FREM3: variants seen among roughly 807,000 people sequenced by gnomAD.
FREM3 encodes FRAS1 related extracellular matrix 3.
Under a neutral mutation model 129.1 loss-of-function variants are expected in FREM3, and 105 were observed. The ratio of observed to expected loss-of-function variants is 0.81; its 90% CI spans 0.69 to 0.96. The LOEUF (loss-of-function observed/expected upper bound fraction) is 0.96. Among genes scored for constraint, FREM3 ranks in the 40% least tolerant of loss-of-function variants. The pLI is 0.00. For missense variants in FREM3, 2,593 were observed against 2,666.3 expected (o/e 0.97, Z 0.61); for synonymous variants, 1,014 against 1,044.9 (o/e 0.97, Z 0.57).
intron 2 of FREM3, among the ~76,000 whole-genome samples, chr4:143,677,588 C>T (rs1053440190): frequency 6.6e-6 from 1 of 152,182 alleles, no homozygotes; most frequent in South Asian, 2.1e-4. Flanking sequence ...AAAGAAACTA[C>T]CGTCAGAGTG....
intron 2 of FREM3, among the ~76,000 whole-genome samples, chr4:143,685,478 T>G (rs72940283): frequency 0.064 from 9,812 of 152,184 alleles, 853 homozygotes; most frequent in African/African-American, 0.18. Context: ...AAGCCACCAC[T>G]ACAGGAACTG....
rs1738217145 is a variant in FREM3 at position 143,585,190 on chromosome 4, T to A, written c.6178+654A>T. On this transcript the variant is annotated intron_variant, in intron 7 of 7. Coordinates refer to ENST00000329798, the MANE Select transcript of FREM3 (RefSeq NM_001168235.2). The surrounding 1 kb of genome is among the most constrained non-coding windows in gnomAD (Gnocchi z 4.2). ...ATCAAAAAGTTAGAAAGATATAAAA[T>A]TAACAACCTAACACCACACCAAAAG... Among the ~76,000 whole-genome samples, 2 of 152,172 alleles carry A rather than the reference T, an allele frequency of 1.3e-5. No homozygotes were observed. Among genetic ancestry groups the A allele is most frequent in the Non-Finnish European group, 2.9e-5 (2 of 68,028 alleles).
In FREM3 at chr4:143,611,284, T is replaced by C. The variant is rs752053063; in HGVS notation, c.6023A>G (p.Tyr2008Cys). ...AAAGCAACAAATGGACTTACCATCA[T>C]AACGATCAGCCAGAATAGTCACCTT... ...TTKVTILADRYDEPVLHFGDA... is the reference protein window; with the variant it reads ...TTKVTILADRCDEPVLHFGDA... Residue 2008 changes from tyrosine (Y) to cysteine (C), a missense_variant, in exon 6 of 8, where the codon TAT becomes TGT. Around this residue, in one of 2 missense-constraint regions of FREM3, gnomAD observed 317 missense variants for 399.0 expected, o/e 0.79. Transcript: ENST00000329798. The C allele has an allele frequency of 7.6e-5, 117 of 1,535,798 alleles. No individual in the cohort carries two copies. The highest frequency in any genetic ancestry group is 1.0e-4 in the Non-Finnish European group (117 of 1,145,978).
intron 2 of FREM3, among the ~76,000 whole-genome samples, chr4:143,676,060 A>C (rs528244569): frequency 1.2e-3 from 185 of 152,334 alleles, no homozygotes; most frequent in Admixed American, 2.6e-3. Context: ...CATTATCCTG[A>C]TACCAAAGTC....
rs1578872688 is a variant in FREM3 at position 143,693,031 on chromosome 4, C to T, written c.5275+82G>A. 4 of 621,532 alleles carry T rather than the reference C, an allele frequency of 6.4e-6. No individual in the cohort carries two copies. In the East Asian group the frequency reaches 1.2e-4, roughly 19 times the overall value. 38.5% of individuals were successfully genotyped at this position (621,532 alleles called of 1,614,324 possible). A position where few individuals can be genotyped will look rare whatever the true frequency, so the allele number is the denominator to read the frequency against. On this transcript the variant is annotated intron_variant, in intron 2 of 7. Transcript: ENST00000329798. ...TGCTTACATGATGCCTATACTTGCC[C>T]AGAAATGATTTAATTTTTTTTCCAA...
rs529033133 is a variant in FREM3, at chr4:143,676,159, T to A, written c.5275+16954A>T. 6.8e-3 allele frequency among the ~76,000 whole-genome samples: 1,037 copies of A among 152,178 alleles called. 16 individuals carry two copies. Among genetic ancestry groups the A allele is most frequent in the African/African-American group, 0.024 (984 of 41,522 alleles). The stretch of plus-strand genomic sequence containing the variant: ...AATCCTCAATAAAATACTGGCAAAC[T>A]GAATCCAGCAGCACATCAAAAAGCT... On this transcript the variant is annotated intron_variant, in intron 2 of 7. Coordinates refer to ENST00000329798, the MANE Select transcript of FREM3 (RefSeq NM_001168235.2).
At chr4:143,690,637 A>T (rs943327837) in intron 2 of FREM3, among the ~76,000 whole-genome samples, 1 of 152,248 alleles carries the variant, frequency 6.6e-6, no homozygotes, top group Non-Finnish European at 1.5e-5. Context: ...AATAGATCAA[A>T]TGGAAATTTT....
At chr4:143,675,763 C>T (rs1338863949) in intron 2 of FREM3, among the ~76,000 whole-genome samples, 6 of 152,194 alleles carry the variant, frequency 3.9e-5, no homozygotes, top group Non-Finnish European at 1.5e-5. Context: ...CTATAAACAC[C>T]TCTATGCAAA....
At chr4:143,598,150 G>T (rs1560839561) in intron 6 of FREM3, among the ~76,000 whole-genome samples, 1 of 152,190 alleles carries the variant, frequency 6.6e-6, no homozygotes. Flanking sequence ...TATAAATTTG[G>T]GGGAGACACA....
At chr4:143,622,346 G>A (rs546268330) in intron 4 of FREM3, among the ~76,000 whole-genome samples, 2 of 150,928 alleles carry the variant, frequency 1.3e-5, no homozygotes, top group East Asian at 3.9e-4. Context: ...TGCCTGCCTC[G>A]GCCTCCTAAA....
intron 2 of FREM3, among the ~76,000 whole-genome samples, chr4:143,676,498 C>G (rs962700164): frequency 1.4e-4 from 21 of 151,786 alleles, no homozygotes; most frequent in Admixed American, 1.3e-3. Flanking sequence ...GGGATGCCCT[C>G]TCTCACCACT....
At chr4:143,636,532 G>A (rs965669886) in intron 2 of FREM3, among the ~76,000 whole-genome samples, 35 of 151,952 alleles carry the variant, frequency 2.3e-4, no homozygotes, top group African/African-American at 8.4e-4. Context: ...ACATCCAACT[G>A]CAGAATTTTT....
rs377599525 is a variant in FREM3, at chr4:143,627,723, G to T, written c.5313C>A (p.Asn1771Lys). Reference protein sequence around the residue: ...NKLTNQPFHLNWAWICLEKEY... With the variant: ...NKLTNQPFHLKWAWICLEKEY... ...CTTTCTCCAAACAAATCCAAGCCCA[G>T]TTTAGATGGAAAGGCTGATTTGTTA... Residue 1771 changes from asparagine (N) to lysine (K), a missense_variant, in exon 3 of 8, where the codon AAC (asparagine) becomes AAA (lysine). Around this residue, in one of 2 missense-constraint regions of FREM3, gnomAD observed 2,276 missense variants for 2,267.2 expected, o/e 1.00. Coordinates refer to ENST00000329798, the MANE Select transcript of FREM3 (RefSeq NM_001168235.2). The T allele has an allele frequency of 6.5e-7, 1 of 1,535,630 alleles. No individual in the cohort carries two copies. Among genetic ancestry groups the T allele is most frequent in the South Asian group, 1.2e-5 (1 of 83,950 alleles).
At chr4:143,650,953 A>G (rs1181486770) in intron 2 of FREM3, among the ~76,000 whole-genome samples, 2 of 152,340 alleles carry the variant, frequency 1.3e-5, no homozygotes, top group South Asian at 2.1e-4. Flanking sequence ...AATTTTTTCA[A>G]TGATGGGATT....
chr4:143,686,189 A>G (rs764279925), intron 2 of FREM3, among the ~76,000 whole-genome samples: 3 of 152,296 alleles, frequency 2.0e-5, no homozygotes, highest in Non-Finnish European at 4.4e-5. Flanking sequence ...TATATGAGAC[A>G]AAACAAATTT....
chr4:143,648,954 G>A (rs753671368), intron 2 of FREM3, among the ~76,000 whole-genome samples: 15 of 152,068 alleles, frequency 9.9e-5, no homozygotes, highest in Non-Finnish European at 1.8e-4. Context: ...AATAGAGATA[G>A]GGTCTTGCTA....
At chr4:143,584,136 G>A (rs561912305) in intron 7 of FREM3, among the ~76,000 whole-genome samples, 189 of 152,310 alleles carry the variant, frequency 1.2e-3, no homozygotes, top group African/African-American at 4.3e-3. Context: ...CAGGCTGGGC[G>A]CGGTGGCTCA....
At chr4:143,616,774 C>T (rs1212359598) in intron 5 of FREM3, among the ~76,000 whole-genome samples, 1 of 147,762 alleles carries the variant, frequency 6.8e-6, no homozygotes, top group African/African-American at 2.6e-5. Flanking sequence ...GCCTGGGCAA[C>T]AGAGCGAGAC....
intron 4 of FREM3, 84 bp from the exon 5 acceptor site, chr4:143,621,246 GC>G (rs1738945948): frequency 8.1e-7 from 1 of 1,234,724 alleles, no homozygotes; most frequent in East Asian, 2.5e-5. Flanking sequence ...AATGTACAAA[GC>G]CTTTGACTCT....
Sources: allele counts gnomAD v4.1 joint callset (sites outside exome capture counted in the v4.1 genomes callset), GRCh38; gene constraint gnomAD v4.1.1; regional missense constraint gnomAD v4.1.1; non-coding constraint Gnocchi (gnomAD v3.1); transcripts MANE v1.5; gene names NCBI Gene and HGNC (gene_info 2026-07-23, HGNC 2026-07-21).